ONECUT1: variants seen among roughly 807,000 people sequenced by gnomAD.
ONECUT1 encodes the protein hepatocyte nuclear factor 6.
Under a neutral mutation model 25.6 loss-of-function variants are expected in ONECUT1, and 12 were observed. The observed-to-expected ratio is 0.47, with a 90% confidence interval of 0.30 to 0.76. ONECUT1 has a LOEUF of 0.76. Ranked by LOEUF, ONECUT1 falls within the 30% of genes least tolerant of loss-of-function variation. The pLI is 0.07. For missense variants in ONECUT1, 620 were observed against 651.2 expected, an observed-to-expected ratio of 0.95 and a Z score of 0.52; for synonymous variants, 285 against 270.2, an observed-to-expected ratio of 1.05 and a Z score of -0.54.
intron 1 of ONECUT1, among the ~76,000 whole-genome samples, chr15:52,780,040 C>A (rs532438660): frequency 6.6e-6 from 1 of 152,298 alleles, no homozygotes; most frequent in East Asian, 1.9e-4. Flanking sequence ...GGAGCTGTGT[C>A]CTTCAGGAAT....
chr15:52,773,097 G>A (rs2083778706), intron 1 of ONECUT1, among the ~76,000 whole-genome samples: 1 of 152,172 alleles, frequency 6.6e-6, no homozygotes, highest in Admixed American at 6.5e-5. Context: ...TGGGGAGAGA[G>A]AACTGCAAAT....
At chr15:52,773,625 G>C (rs927395068) in intron 1 of ONECUT1, among the ~76,000 whole-genome samples, 2 of 152,124 alleles carry the variant, frequency 1.3e-5, no homozygotes, top group Non-Finnish European at 2.9e-5. Flanking sequence ...ATAAACCAGG[G>C]CTCATCAAAG....
intron 1 of ONECUT1, among the ~76,000 whole-genome samples, chr15:52,772,250 T>C (rs12908307): frequency 0.1 from 15,798 of 152,014 alleles, 1,052 homozygotes; most frequent in East Asian, 0.25. Context: ...AAAAATTAGC[T>C]GGGCGTTGTG....
Position 52,789,542 on chromosome 15 carries a change from T to C in ONECUT1, c.343A>G (p.Ile115Val), listed in dbSNP as rs761308722. Residue 115 changes from isoleucine (I) to valine (V), a missense_variant, in exon 1 of 2, where the codon ATC becomes GTC. By Grantham distance (29) the Ile-to-Val change is conservative. Coordinates refer to ENST00000305901, the MANE Select transcript of ONECUT1 (RefSeq NM_004498.4). The surrounding 1 kb of genome is among the most constrained non-coding windows in gnomAD (Gnocchi z 4.1). ...GGGAACTTGTCCGAGACTGTGGAGATGGGAGGCAGCGGCTGCAGAGGGGTC... is the reference window on the plus strand; with the variant it reads ...GGGAACTTGTCCGAGACTGTGGAGACGGGAGGCAGCGGCTGCAGAGGGGTC... ...TLTPLQPLPP[I>V]STVSDKFPHH... 6.2e-6 allele frequency: 10 copies of C among 1,602,916 alleles called. No homozygotes were observed. The highest frequency in any genetic ancestry group is 6.8e-6 in the Non-Finnish European group (8 of 1,174,116).
At chr15:52,760,684 C>T (rs552731035) in intron 1 of ONECUT1, among the ~76,000 whole-genome samples, 1 of 152,080 alleles carries the variant, frequency 6.6e-6, no homozygotes, top group African/African-American at 2.4e-5. Flanking sequence ...ATTTGTGAGG[C>T]AAGAGGGCAC....
chr15:52,786,693 T>C (rs2141465183), intron 1 of ONECUT1, among the ~76,000 whole-genome samples: 1 of 152,338 alleles, frequency 6.6e-6, no homozygotes, highest in Non-Finnish European at 1.5e-5. Context: ...TCTCCACGCT[T>C]GGAGGTCAGA....
Position 52,789,782 on chromosome 15 carries a change from G to T in ONECUT1, c.103C>A (p.Arg35Ser). Residue 35 changes from arginine to serine, a missense_variant, in exon 1 of 2, where the codon CGC (arginine) becomes AGC (serine). Arg to Ser is a moderately radical substitution (Grantham distance 110). Transcript: ENST00000305901. This position sits in a 1 kb window ranked among gnomAD's most constrained non-coding sequence, Gnocchi z 4.1. ...CTGCCGCGGTGCGCCACGGAGCTGC[G>T]CGCGTGGGGGCTGCCGCCCAGCAGG... ...ADLLGGSPHA[R>S]SSVAHRGSHL... 1 of 1,439,700 alleles carries T rather than the reference G, an allele frequency of 6.9e-7. No homozygotes were observed. Among genetic ancestry groups the T allele is most frequent in the Non-Finnish European group, 9.0e-7 (1 of 1,109,724 alleles). The allele number at this position is 1,439,700 out of a possible 1,614,324, so 89.2% of individuals were successfully genotyped here. A position where few individuals can be genotyped will look rare whatever the true frequency, so the allele number is the denominator to read the frequency against.
chr15:52,783,202 C>T (rs1023432711), intron 1 of ONECUT1, among the ~76,000 whole-genome samples: 13 of 152,176 alleles, frequency 8.5e-5, no homozygotes, highest in South Asian at 2.1e-4. Context: ...ATGATCCAAC[C>T]CCTGTCACAC....
Position 52,789,547 on chromosome 15 carries a change from G to A in ONECUT1, c.338C>T (p.Pro113Leu), listed in dbSNP as rs1596060177. 6.2e-7 allele frequency: 1 copy of A among 1,601,594 alleles called. No homozygotes were observed. The highest frequency in any genetic ancestry group is 8.5e-7 in the Non-Finnish European group (1 of 1,173,098). The change falls in exon 1 of 2, where the codon CCT becomes CTT. Residue 113 changes from proline to leucine, a missense_variant. Pro to Leu is a moderately conservative substitution (Grantham distance 98). Around this residue, in one of 4 missense-constraint regions of ONECUT1, gnomAD observed 440 missense variants for 404.9 expected, o/e 1.09. Transcript: ENST00000305901. The surrounding 1 kb of genome is among the most constrained non-coding windows in gnomAD (Gnocchi z 4.1). ...CTTGTCCGAGACTGTGGAGATGGGA[G>A]GCAGCGGCTGCAGAGGGGTCAAGGT... ...YTTLTPLQPL[P>L]PISTVSDKFP...
intron 1 of ONECUT1, chr15:52,780,553 C>T: frequency 1.3e-6 from 2 of 1,523,294 alleles, no homozygotes; most frequent in Non-Finnish European, 1.8e-6. Context: ...CTTAATTACC[C>T]CAAATGAATT....
intron 1 of ONECUT1, among the ~76,000 whole-genome samples, chr15:52,769,887 G>A (rs1398105845): frequency 1.3e-5 from 2 of 152,192 alleles, no homozygotes; most frequent in African/African-American, 4.8e-5. Flanking sequence ...GATAATGTCA[G>A]CAAATATCCA....
chr15:52,769,985 A>G (rs1175916316), intron 1 of ONECUT1, among the ~76,000 whole-genome samples: 1 of 152,256 alleles, frequency 6.6e-6, no homozygotes, highest in Non-Finnish European at 1.5e-5. Flanking sequence ...TCAAGGGATG[A>G]AAGACTCAAA....
intron 1 of ONECUT1, among the ~76,000 whole-genome samples, chr15:52,765,699 G>A (rs1014093478): frequency 3.3e-5 from 5 of 152,182 alleles, no homozygotes; most frequent in African/African-American, 7.2e-5. Context: ...TGGATTGACC[G>A]AGACCATCAG....
intron 1 of ONECUT1, chr15:52,781,096 T>G (rs528042270): frequency 6.0e-6 from 1 of 165,586 alleles, no homozygotes; most frequent in South Asian, 1.8e-4. Flanking sequence ...CCAAGAAGTG[T>G]AATTGCTGTC....
At position 52,784,155 on chromosome 15, in the gene ONECUT1, C is replaced by T. The variant is rs982585521; in HGVS notation, c.1105+4625G>A. On this transcript the variant is annotated intron_variant, in intron 1 of 1. Coordinates refer to ENST00000305901, the MANE Select transcript of ONECUT1 (RefSeq NM_004498.4). This position sits in a 1 kb window ranked among gnomAD's most constrained non-coding sequence, Gnocchi z 5.0. ...AGAAAGGGAGCCGAATGGAGGGAAG[C>T]AGGGAGCGCGGAGGGCTCGAGGCTT... 1.3e-5 allele frequency among the ~76,000 whole-genome samples: 2 copies of T among 152,200 alleles called. No individual in the cohort carries two copies. Among genetic ancestry groups the T allele is most frequent in the Admixed American group, 1.3e-4 (2 of 15,282 alleles).
chr15:52,776,596 G>A (rs60270022), intron 1 of ONECUT1, among the ~76,000 whole-genome samples: 2,422 of 152,234 alleles, frequency 0.016, 67 homozygotes, highest in African/African-American at 0.057. Flanking sequence ...CTTCCTTTGG[G>A]CTGCACCAAC....
intron 1 of ONECUT1, 45 bp from the exon 2 acceptor site, chr15:52,757,892 G>A: frequency 6.4e-7 from 1 of 1,567,534 alleles, no homozygotes. Context: ...GTCTAGGGGA[G>A]AATCATGAGT....
At chr15:52,786,658 C>T (rs146772582) in intron 1 of ONECUT1, among the ~76,000 whole-genome samples, 1 of 152,254 alleles carries the variant, frequency 6.6e-6, no homozygotes, top group Non-Finnish European at 1.5e-5. Context: ...TCCACAGTGC[C>T]GTCCCCTGAG....
intron 1 of ONECUT1, among the ~76,000 whole-genome samples, chr15:52,769,056 A>G (rs1021625409): frequency 6.6e-6 from 1 of 152,214 alleles, no homozygotes; most frequent in Non-Finnish European, 1.5e-5. Flanking sequence ...TACTTTGCTC[A>G]AGATGTCTCC....
Sources: gnomAD v4.1 joint callset for allele counts (sites outside exome capture counted in the v4.1 genomes callset) on GRCh38, gnomAD v4.1.1 for gene constraint, gnomAD v4.1.1 regional missense constraint, Gnocchi (gnomAD v3.1) non-coding constraint, MANE v1.5 for transcripts, NCBI Gene and HGNC (gene_info 2026-07-23, HGNC 2026-07-21) for gene names.